Variants in NEDD4 observed in about 807,000 individuals in gnomAD.
The protein encoded by NEDD4 is E3 ubiquitin-protein ligase NEDD4.
A neutral mutation model predicts 144.9 loss-of-function variants in NEDD4; 99 were observed. That is an observed-to-expected ratio of 0.68 (90% CI 0.58 to 0.81). The LOEUF (loss-of-function observed/expected upper bound fraction) is 0.81. Ranked by LOEUF, NEDD4 falls within the 30% of genes least tolerant of loss-of-function variation. NEDD4 has a pLI of 0.00. For synonymous variants in NEDD4, 318 were observed against 350.6 expected, an observed-to-expected ratio of 0.91 and a Z score of 1.04; for missense variants, 985 against 1,065.9, an observed-to-expected ratio of 0.92 and a Z score of 1.06.
chr15:55,940,518 T>TTTCTCTCTCTCTCTCTCTCTCTCTCTCTC (rs2036978860), intron 4 of NEDD4, among the ~76,000 whole-genome samples: 5 of 106,190 alleles, frequency 4.7e-5, no homozygotes, highest in Admixed American at 9.6e-5. Flanking sequence ...CTCCTCCCCC[T>TTTCTCTCTCTCTCTCTCTCTCTCTCTCTC]TCTCTCTCTC....
chr15:55,917,583 G>T (rs1334602888), intron 5 of NEDD4, among the ~76,000 whole-genome samples: 1 of 151,878 alleles, frequency 6.6e-6, no homozygotes, highest in Non-Finnish European at 1.5e-5. Flanking sequence ...CTTCCAAAGT[G>T]CTAGTTACAT....
intron 11 of NEDD4, among the ~76,000 whole-genome samples, chr15:55,856,657 G>A (rs1264392743): frequency 6.6e-6 from 1 of 152,106 alleles, no homozygotes; most frequent in Non-Finnish European, 1.5e-5. Flanking sequence ...TGTCCTTCTG[G>A]AGCTGAAGTC....
intron 5 of NEDD4, among the ~76,000 whole-genome samples, chr15:55,874,363 A>T (rs1394148210): frequency 9.2e-5 from 14 of 152,126 alleles, no homozygotes. Context: ...TTCCTCTAGT[A>T]GTATTCTACA....
chr15:55,831,551 A>G (rs1173830079), intron 27 of NEDD4, among the ~76,000 whole-genome samples: 2 of 152,162 alleles, frequency 1.3e-5, no homozygotes, highest in Admixed American at 1.3e-4. Context: ...AACCATGAAA[A>G]AGAAAGAGGC....
intron 1 of NEDD4, among the ~76,000 whole-genome samples, chr15:55,975,570 C>A (rs1348096264): frequency 6.6e-6 from 1 of 151,174 alleles, no homozygotes; most frequent in Non-Finnish European, 1.5e-5. Context: ...TAAACTTAAC[C>A]AAAGAAGTGA....
chr15:55,916,336 C>T lies in NEDD4; in HGVS notation c.291+8310G>A, dbSNP rs12593255. On this transcript the variant is annotated intron_variant, in intron 5 of 28. Coordinates refer to ENST00000435532, the MANE Select transcript of NEDD4 (RefSeq NM_006154.4). ...CTTGCACATGACCCAAAATCACTAC[C>T]GTTGCTGCTGTAAGACCCATTATCA... The T allele has an allele frequency of 2.6e-3, 4,133 of 1,614,000 alleles. 196 individuals carry two copies. In the East Asian group the frequency reaches 0.085, roughly 33 times the overall value.
At chr15:55,861,531 G>A (rs1444312235) in intron 9 of NEDD4, among the ~76,000 whole-genome samples, 1 of 152,092 alleles carries the variant, frequency 6.6e-6, no homozygotes, top group Non-Finnish European at 1.5e-5. Context: ...AAAACAACCA[G>A]AAGACTATAA....
chr15:55,988,276 A>C (rs1368516630), intron 1 of NEDD4, among the ~76,000 whole-genome samples: 2 of 119,180 alleles, frequency 1.7e-5, no homozygotes, highest in African/African-American at 3.3e-5. Context: ...TTGAACAATG[A>C]GATCACTTGG....
At chr15:55,853,942 A>G (rs2034091850) in intron 12 of NEDD4, among the ~76,000 whole-genome samples, 1 of 152,148 alleles carries the variant, frequency 6.6e-6, no homozygotes, top group African/African-American at 2.4e-5. Flanking sequence ...GTGAGCTGAG[A>G]TTGCACCATT....
intron 5 of NEDD4, 90 bp from the exon 6 acceptor site, chr15:55,874,098 T>C (rs2034905359): frequency 2.9e-6 from 2 of 700,542 alleles, no homozygotes; most frequent in African/African-American, 3.6e-5. Context: ...TCACAGAAAA[T>C]GTAGAGTTTT....
At chr15:55,842,865 C>G (rs1195040493) in intron 18 of NEDD4, among the ~76,000 whole-genome samples, 1 of 152,304 alleles carries the variant, frequency 6.6e-6, no homozygotes, top group African/African-American at 2.4e-5. Flanking sequence ...TCTTGCTTCA[C>G]TCATTAACAG....
At chr15:55,965,974 A>G (rs973666122) in intron 2 of NEDD4, among the ~76,000 whole-genome samples, 6 of 152,140 alleles carry the variant, frequency 3.9e-5, no homozygotes, top group African/African-American at 7.2e-5. Context: ...TAATTGAACC[A>G]AAGTTTGGAT....
At chr15:55,845,620 A>G (rs1036874343) in intron 18 of NEDD4, among the ~76,000 whole-genome samples, 2 of 152,066 alleles carry the variant, frequency 1.3e-5, no homozygotes, top group Admixed American at 6.6e-5. Context: ...ACATGTTTCA[A>G]CCACTCAGAG....
At chr15:55,966,672 T>C in intron 1 of NEDD4, 126 bp from the exon 2 acceptor site, 1 of 442,798 alleles carries the variant, frequency 2.3e-6, no homozygotes, top group Non-Finnish European at 3.9e-6. Context: ...TCTTTTTCAA[T>C]AATTAATTTT....
At chr15:55,937,586 G>A (rs2036917955) in intron 4 of NEDD4, among the ~76,000 whole-genome samples, 1 of 152,086 alleles carries the variant, frequency 6.6e-6, no homozygotes, top group Non-Finnish European at 1.5e-5. Context: ...TTTGGTAATA[G>A]GGAAGTTATA....
At position 55,951,580 on chromosome 15, in the gene NEDD4, G is replaced by GT. The variant is rs2037240915; in HGVS notation, c.128dup (p.Tyr43Ter). Residue 43 changes from tyrosine (Y) to a stop codon, truncating the protein, a stop_gained and frameshift_variant, in exon 3 of 29, where the codon TAC becomes TAAC. Coordinates refer to ENST00000435532, the MANE Select transcript of NEDD4 (RefSeq NM_006154.4). LOFTEE classifies it high-confidence loss of function. ...KKDILGASDPYVRVTLYDPMN... is the reference protein window; with the variant it reads ...KKDILGASDP ...TTGGGTCATATAACGTCACTCTCACGTAAGGATCACTGTTAAAAAAAAAAA... is the reference window on the plus strand; with the variant it reads ...TTGGGTCATATAACGTCACTCTCACGTTAAGGATCACTGTTAAAAAAAAAAA... 6.8e-7 allele frequency: 1 copy of GT among 1,467,954 alleles called. No homozygotes were observed. Among genetic ancestry groups the GT allele is most frequent in the Non-Finnish European group, 9.0e-7 (1 of 1,110,208 alleles). The allele number at this position is 1,467,954 out of a possible 1,614,324, so 90.9% of individuals were successfully genotyped here.
intron 2 of NEDD4, among the ~76,000 whole-genome samples, chr15:55,952,292 C>T (rs766772453): frequency 9.9e-5 from 15 of 151,976 alleles, no homozygotes; most frequent in Non-Finnish European, 2.1e-4. Flanking sequence ...CAAGATCACG[C>T]CACTGCACTC....
At chr15:55,964,659 G>A (rs1361378611) in intron 2 of NEDD4, among the ~76,000 whole-genome samples, 1 of 110,364 alleles carries the variant, frequency 9.1e-6, no homozygotes, top group East Asian at 4.2e-4. Flanking sequence ...TGGTGTGTGT[G>A]TGTGTGTGTG....
chr15:55,834,726 T>C (rs973402756), intron 24 of NEDD4, among the ~76,000 whole-genome samples: 2 of 152,184 alleles, frequency 1.3e-5, no homozygotes, highest in Non-Finnish European at 2.9e-5. Context: ...AGTGAGATCC[T>C]GTCTCAAAAC....
Sources: gnomAD v4.1 joint callset for allele counts (sites outside exome capture counted in the v4.1 genomes callset) on GRCh38, gnomAD v4.1.1 for gene constraint, MANE v1.5 for transcripts, NCBI Gene and HGNC (gene_info 2026-07-23, HGNC 2026-07-21) for gene names.